MBNL1: variants seen among roughly 807,000 people sequenced by gnomAD.
MBNL1 encodes the protein muscleblind-like protein 1.
In MBNL1, 8 loss-of-function variants were observed where a neutral mutation model predicts 42.2. That is an observed-to-expected ratio of 0.19 (90% confidence interval 0.11 to 0.34). MBNL1 has a LOEUF of 0.34. Ranked by LOEUF, MBNL1 falls within the 10% of genes least tolerant of loss-of-function variation. MBNL1 has a pLI of 1.00. For missense variants in MBNL1, 309 were observed against 495.3 expected, an observed-to-expected ratio of 0.62 and a Z score of 3.57; for synonymous variants, 169 against 173.9, an observed-to-expected ratio of 0.97 and a Z score of 0.22.
At chr3:152,316,870 T>C (rs2072004363) in intron 2 of MBNL1, among the ~76,000 whole-genome samples, 1 of 152,064 alleles carries the variant, frequency 6.6e-6, no homozygotes, top group Non-Finnish European at 1.5e-5. Flanking sequence ...TTTCTTCTTT[T>C]ATTTATTTAT....
At chr3:152,285,837 T>A (rs1469525090) in intron 1 of MBNL1, among the ~76,000 whole-genome samples, 1 of 152,008 alleles carries the variant, frequency 6.6e-6, no homozygotes, top group African/African-American at 2.4e-5. Flanking sequence ...TTGTTCAGGC[T>A]GGTCTCGAAC....
intron 2 of MBNL1, among the ~76,000 whole-genome samples, chr3:152,392,669 C>G (rs1398582094): frequency 6.6e-6 from 1 of 152,148 alleles, no homozygotes; most frequent in Non-Finnish European, 1.5e-5. Context: ...TATGTAATAG[C>G]CTTAACTGGG....
upstream of MBNL1, chr3:152,268,542 TAGA>T (rs948362298): frequency 2.0e-5 from 7 of 349,544 alleles, no homozygotes; most frequent in African/African-American, 1.1e-4. Context: ...TAGCAGTCGG[TAGA>T]AGAAGCGGGA....
At chr3:152,443,427 T>C (rs1373271894) in intron 4 of MBNL1, among the ~76,000 whole-genome samples, 1 of 149,734 alleles carries the variant, frequency 6.7e-6, no homozygotes, top group East Asian at 2.0e-4. Context: ...TACATTGACA[T>C]AGACTTGCTT....
intron 2 of MBNL1, among the ~76,000 whole-genome samples, chr3:152,369,877 T>C (rs1332136074): frequency 6.6e-6 from 1 of 152,204 alleles, no homozygotes; most frequent in East Asian, 1.9e-4. Flanking sequence ...CATTTTTTAT[T>C]GTGTCTATTT....
chr3:152,312,477 T>A (rs1035929198), intron 2 of MBNL1, among the ~76,000 whole-genome samples: 4 of 151,830 alleles, frequency 2.6e-5, no homozygotes, highest in Non-Finnish European at 4.4e-5. Flanking sequence ...GTGGATTCAA[T>A]GAGATCAGTT....
At chr3:152,408,205 T>G (rs2098480122) in intron 2 of MBNL1, among the ~76,000 whole-genome samples, 2 of 152,162 alleles carry the variant, frequency 1.3e-5, no homozygotes, top group South Asian at 2.1e-4. Context: ...AACATATGAT[T>G]TAAACATAGT....
chr3:152,315,138 A>G (rs2069934649), intron 2 of MBNL1, among the ~76,000 whole-genome samples: 1 of 152,220 alleles, frequency 6.6e-6, no homozygotes, highest in Admixed American at 6.5e-5. Context: ...GTTGTGAAAC[A>G]ATTAGGAGAA....
At chr3:152,389,144 A>T (rs2097568187) in intron 2 of MBNL1, among the ~76,000 whole-genome samples, 1 of 151,802 alleles carries the variant, frequency 6.6e-6, no homozygotes, top group Non-Finnish European at 1.5e-5. Flanking sequence ...GCTGGAGTGC[A>T]GTGGCGTGAT....
At chr3:152,278,216 G>C (rs958670203) in intron 1 of MBNL1, among the ~76,000 whole-genome samples, 2 of 152,074 alleles carry the variant, frequency 1.3e-5, no homozygotes, top group African/African-American at 4.8e-5. Context: ...AGTATTTTGA[G>C]CCATTATTTG....
intron 4 of MBNL1, among the ~76,000 whole-genome samples, chr3:152,445,045 T>C (rs1368312201): frequency 1.3e-5 from 2 of 152,226 alleles, no homozygotes; most frequent in Non-Finnish European, 2.9e-5. Context: ...TTTCAGATTG[T>C]ATTTTTACCA....
At chr3:152,371,063 C>G (rs1295632521) in intron 2 of MBNL1, among the ~76,000 whole-genome samples, 1 of 151,856 alleles carries the variant, frequency 6.6e-6, no homozygotes, top group Non-Finnish European at 1.5e-5. Context: ...GTTATTTTGC[C>G]CGTTAGTTGA....
At chr3:152,355,341 A>G (rs1382558788) in intron 2 of MBNL1, among the ~76,000 whole-genome samples, 1 of 152,236 alleles carries the variant, frequency 6.6e-6, no homozygotes, top group Admixed American at 6.5e-5. Context: ...GCCTGCGTCC[A>G]GTTTAATTTG....
At chr3:152,447,858 T>G (rs1029861137) in intron 6 of MBNL1, 85 bp downstream of exon 6, 4 of 1,268,910 alleles carry the variant, frequency 3.2e-6, no homozygotes, top group Non-Finnish European at 3.3e-6. Context: ...ACCCCAAGTT[T>G]GTTTGTAATT....
At chr3:152,389,480 A>G (rs1244853301) in intron 2 of MBNL1, among the ~76,000 whole-genome samples, 5 of 152,194 alleles carry the variant, frequency 3.3e-5, no homozygotes, top group Non-Finnish European at 7.3e-5. Flanking sequence ...ATCATAGAGT[A>G]TACGTGCACA....
chr3:152,258,076 C>T (rs2035697374), intron 2 of MBNL1, among the ~76,000 whole-genome samples: 1 of 152,094 alleles, frequency 6.6e-6, no homozygotes, highest in African/African-American at 2.4e-5. Flanking sequence ...GTAAAGGTAT[C>T]TCTGTATACC....
chr3:152,414,927 T>A lies in MBNL1; in HGVS notation c.175-14T>A, dbSNP rs1389756858. ...TCTTTTCTAAGATGATGTTTGCTGC[T>A]TTTGTTTCTCTAGGGCCGTTGCTCC... On this transcript the variant is annotated splice_polypyrimidine_tract_variant and intron_variant, in intron 2 of 9. Coordinates refer to ENST00000324210, the MANE Select transcript of MBNL1 (RefSeq NM_021038.5). 1 of 1,607,924 alleles carries A rather than the reference T, an allele frequency of 6.2e-7. No homozygotes were observed. The highest frequency in any genetic ancestry group is 2.2e-5 in the East Asian group (1 of 44,684).
intron 2 of MBNL1, among the ~76,000 whole-genome samples, chr3:152,334,495 G>A (rs963289914): frequency 4.6e-4 from 70 of 152,166 alleles, no homozygotes; most frequent in Admixed American, 3.1e-3. Context: ...CATCAAAATG[G>A]AAATGAAATA....
rs2095771810 is a variant in MBNL1 at position 152,359,355 on chromosome 3, C to A, written c.175-55586C>A. ...ATATTATTCAAGTCTAAAATTCCAT[C>A]TATTATTTATCACACAATTCTTAGT... On this transcript the variant is annotated intron_variant, in intron 2 of 9. Coordinates refer to ENST00000324210, the MANE Select transcript of MBNL1 (RefSeq NM_021038.5). 3.3e-5 allele frequency among the ~76,000 whole-genome samples: 5 copies of A among 152,298 alleles called. No homozygotes were observed. The South Asian group carries it at 8.3e-4, about 25-fold the overall frequency.
Sources: gnomAD v4.1 joint callset for allele counts (sites outside exome capture counted in the v4.1 genomes callset) on GRCh38, gnomAD v4.1.1 for gene constraint, MANE v1.5 for transcripts, NCBI Gene and HGNC (gene_info 2026-07-23, HGNC 2026-07-21) for gene names.